Variants in ALAS2 observed in about 807,000 individuals in gnomAD.
ALAS2 encodes 5'-aminolevulinate synthase 2.
A neutral mutation model predicts 33.7 loss-of-function variants in ALAS2; 3 were observed. The ratio of observed to expected loss-of-function variants is 0.09; its 90% CI spans 0.04 to 0.23. The LOEUF (loss-of-function observed/expected upper bound fraction) is 0.23, where lower values mean the gene tolerates loss of function less well. ALAS2 is among the 10% of genes least tolerant of loss of function. The pLI is 1.00. For missense variants in ALAS2, 304 were observed against 475.1 expected, an observed-to-expected ratio of 0.64 and a Z score of 3.35; for synonymous variants, 191 against 177.3, an observed-to-expected ratio of 1.08 and a Z score of -0.61.
chrX:55,023,543 A>G (rs1935842027), intron 4 of ALAS2, among the ~76,000 whole-genome samples: 2 of 111,093 alleles, frequency 1.8e-5, no homozygotes. Flanking sequence ...CTTTCTTCTC[A>G]TGGTAACCTA....
Position 55,023,886 on chromosome X carries a change from T to C in ALAS2, c.305-19A>G. On this transcript the variant is annotated intron_variant, in intron 3 of 10. Transcript: ENST00000650242. Reference sequence around the variant, plus strand: ...GGCAGATCTGAGACGGAATGTGAGATTCATTGGCCGTGAAGAGAATGGGGG... The same window carrying C: ...GGCAGATCTGAGACGGAATGTGAGACTCATTGGCCGTGAAGAGAATGGGGG... 2 of 1,146,782 alleles carry C rather than the reference T, an allele frequency of 1.7e-6. No individual in the cohort carries two copies. The highest frequency in any genetic ancestry group is 1.8e-5 in the South Asian group (1 of 54,672). The allele number at this position is 1,146,782 out of a possible 1,213,427, so 94.5% of individuals were successfully genotyped here. A position where few individuals can be genotyped will look rare whatever the true frequency, so the allele number is the denominator to read the frequency against.
In ALAS2 at chrX:55,017,493, G is replaced by A. The variant is rs1220164557; in HGVS notation, c.996C>T (p.Ser332=). 1 of 1,207,578 alleles carries A rather than the reference G, an allele frequency of 8.3e-7. No individual in the cohort carries two copies. Among genetic ancestry groups the A allele is most frequent in the South Asian group, 1.8e-5 (1 of 56,874 alleles). ...ACTCACTCATATACATACCATCCAT[G>A]GAGTGGACAGTCTCAAAGGCCACAA... is the stretch of plus-strand genomic sequence containing the variant. ...PKIVAFETVH[S]MDGAICPLEE... Residue 332 remains serine, a synonymous_variant, in exon 7 of 11, where the codon TCC becomes TCT. Coordinates refer to ENST00000650242, the MANE Select transcript of ALAS2 (RefSeq NM_000032.5).
Position 55,017,473 on chromosome X carries a change from C to G in ALAS2, c.1003+13G>C. The G allele has an allele frequency of 8.3e-7, 1 of 1,199,792 alleles. No individual in the cohort carries two copies. Among genetic ancestry groups the G allele is most frequent in the Non-Finnish European group, 1.1e-6 (1 of 884,766 alleles). On this transcript the variant is annotated intron_variant, in intron 7 of 10. Transcript: ENST00000650242. Reference sequence around the variant, plus strand: ...ACCAACACTAGTAAACATACACTCACTCATATACATACCATCCATGGAGTG... The same window carrying G: ...ACCAACACTAGTAAACATACACTCAGTCATATACATACCATCCATGGAGTG...
intron 1 of ALAS2, among the ~76,000 whole-genome samples, chrX:55,026,760 A>G (rs1186359799): frequency 8.9e-6 from 1 of 112,407 alleles, no homozygotes; most frequent in African/African-American, 3.2e-5. Context: ...CAGAGAAGAG[A>G]AAGGGGGCAA....
At chrX:55,027,626 G>T in intron 1 of ALAS2, 1 of 646,806 alleles carries the variant, frequency 1.5e-6, no homozygotes, top group Non-Finnish European at 2.6e-6. Context: ...TTACTGAGTA[G>T]AATCTACTAG....
At position 55,025,949 on chromosome X, in the gene ALAS2, G is replaced by A; in HGVS notation, c.52C>T (p.Pro18Ser). Reference sequence around the variant, plus strand: ...ACCACCTTGCCTAGGAGGCTTGTGGGGCCCCGGGCAAGCACTGGGCAGCAC... The same window carrying A: ...ACCACCTTGCCTAGGAGGCTTGTGGAGCCCCGGGCAAGCACTGGGCAGCAC... ...LQCCPVLARG[P>S]TSLLGKVVKT... Residue 18 changes from proline (P) to serine (S), a missense_variant, in exon 2 of 11, where the codon CCC (proline) becomes TCC (serine). Coordinates refer to ENST00000650242, the MANE Select transcript of ALAS2 (RefSeq NM_000032.5). The A allele has an allele frequency of 8.3e-7, 1 of 1,210,897 alleles. No homozygotes were observed. The highest frequency in any genetic ancestry group is 1.8e-5 in the South Asian group (1 of 56,891).
chrX:55,024,591 G>C, intron 3 of ALAS2, 127 bp downstream of exon 3: 2 of 957,709 alleles, frequency 2.1e-6, no homozygotes, highest in Non-Finnish European at 1.5e-6. Context: ...TGGCTCCCCT[G>C]GAAAGACTGG....
chrX:55,027,722 A>T (rs745423902), intron 1 of ALAS2: 36 of 1,202,718 alleles, frequency 3.0e-5, no homozygotes, highest in Admixed American at 6.6e-5. Context: ...TCCCTTCCTG[A>T]TCTCATAGAA....
intron 1 of ALAS2, among the ~76,000 whole-genome samples, chrX:55,028,868 A>G (rs778010833): frequency 1.3e-3 from 150 of 111,616 alleles, no homozygotes; most frequent in African/African-American, 4.6e-3. Context: ...CTCTAGAGCC[A>G]AACTACTTGG....
In ALAS2 at chrX:55,013,688, G is replaced by A. The variant is rs1935647154; in HGVS notation, c.1438-40C>T. On this transcript the variant is annotated intron_variant, in intron 9 of 10. Coordinates refer to ENST00000650242, the MANE Select transcript of ALAS2 (RefSeq NM_000032.5). The stretch of plus-strand genomic sequence containing the variant: ...AAGGCTAATCAGTACCTGCCACTCT[G>A]GCTCCACCATCACTAGCTCCATTAA... 6 of 1,196,906 alleles carry A rather than the reference G, an allele frequency of 5.0e-6. No individual in the cohort carries two copies. The Middle Eastern group carries it at 1.4e-3, about 280-fold the overall frequency.
At chrX:55,017,378 A>G (rs1935719911) in intron 7 of ALAS2, 108 bp downstream of exon 7, 3 of 775,148 alleles carry the variant, frequency 3.9e-6, no homozygotes, top group Non-Finnish European at 5.9e-6. Flanking sequence ...CACATAATAA[A>G]CACTATAAAT....
At chrX:55,030,422 C>A (rs747900196) in intron 1 of ALAS2, among the ~76,000 whole-genome samples, 4 of 111,653 alleles carry the variant, frequency 3.6e-5, no homozygotes, top group Non-Finnish European at 3.8e-5. Context: ...GCTCTTCCCC[C>A]ACCCCTAGGC....
intron 2 of ALAS2, among the ~76,000 whole-genome samples, 170 bp from the exon 3 acceptor site, chrX:55,025,010 A>G (rs938124019): frequency 2.7e-5 from 3 of 111,762 alleles, no homozygotes; most frequent in Non-Finnish European, 5.6e-5. Flanking sequence ...ACTGGTGGGA[A>G]TGGCATACAC....
At chrX:55,025,786 A>G in intron 2 of ALAS2, 34 bp downstream of exon 2, 1 of 1,196,336 alleles carries the variant, frequency 8.4e-7, no homozygotes, top group Non-Finnish European at 1.1e-6. Context: ...CAGGACCCTA[A>G]CATTCTCCCC....
chrX:55,014,298 C>T lies in ALAS2; in HGVS notation c.1437+449G>A, dbSNP rs995468876. On this transcript the variant is annotated intron_variant, in intron 9 of 10. Transcript: ENST00000650242. ...GTACGTTTTACACCGTGACCATAAA[C>T]GCACACATACACATACATGTGTATA... is the stretch of plus-strand genomic sequence containing the variant. Among the ~76,000 whole-genome samples, 9 of 111,946 alleles carry T rather than the reference C, an allele frequency of 8.0e-5. No individual in the cohort carries two copies. In the East Asian group the frequency reaches 8.4e-4, roughly 10 times the overall value.
rs201086991 is a variant in ALAS2, at chrX:55,017,612, G to A, written c.877C>T (p.Arg293Cys). Residue 293 changes from arginine (R) to cysteine (C), a missense_variant, in exon 7 of 11, where the codon CGT (arginine) becomes TGT (cysteine). Coordinates refer to ENST00000650242, the MANE Select transcript of ALAS2 (RefSeq NM_000032.5). ...ACAAACTTGGCTGCTCCACTGTTAC[G>A]GATACCTTGGATCATGGAAGCATGG... Reference protein sequence around the residue: ...GNHASMIQGIRNSGAAKFVFR... With the variant: ...GNHASMIQGICNSGAAKFVFR... 3.5e-5 allele frequency: 42 copies of A among 1,211,473 alleles called. No homozygotes were observed. Among genetic ancestry groups the A allele is most frequent in the Non-Finnish European group, 4.1e-5 (37 of 895,395 alleles).
intron 5 of ALAS2, 88 bp downstream of exon 5, chrX:55,020,964 C>T: frequency 1.1e-6 from 1 of 878,394 alleles, no homozygotes; most frequent in Non-Finnish European, 1.6e-6. Context: ...ACCCAAGTTT[C>T]CACTGCCAGC....
rs1008340336 is a variant in ALAS2 at position 55,015,975 on chromosome X, G to C, written c.1004-233C>G. ...TCTGTCTCTCTGTGTGTGTGTGTGT[G>C]TGTGTGTGTGTGTGTGTGTGTGTGT... On this transcript the variant is annotated intron_variant, in intron 7 of 10. Coordinates refer to ENST00000650242, the MANE Select transcript of ALAS2 (RefSeq NM_000032.5). Among the ~76,000 whole-genome samples the C allele has an allele frequency of 2.4e-3, 246 of 100,571 alleles. 1 individual carries two copies. The highest frequency in any genetic ancestry group is 8.3e-3 in the African/African-American group (218 of 26,379). 87.3% of individuals were successfully genotyped at this position (100,571 alleles called of 115,157 possible).
At position 55,014,858 on chromosome X, in the gene ALAS2, C is replaced by T; in HGVS notation, c.1326G>A (p.Glu442=). 1 of 1,206,768 alleles carries T rather than the reference C, an allele frequency of 8.3e-7. No homozygotes were observed. Among genetic ancestry groups the T allele is most frequent in the Non-Finnish European group, 1.1e-6 (1 of 892,994 alleles). ...LESVRLLKGE[E]GQALRRAHQR... is the part of the protein sequence containing the mutation. ...GGTGGGCTCGCCTCAGGGCTTGGCC[C>T]TCCTCTCCCTTGAGCAGCCGCACAG... The change falls in exon 9 of 11, where the codon GAG becomes GAA. Residue 442 remains glutamate (E), a synonymous_variant. Coordinates refer to ENST00000650242, the MANE Select transcript of ALAS2 (RefSeq NM_000032.5).
Sources: allele counts gnomAD v4.1 joint callset (sites outside exome capture counted in the v4.1 genomes callset), GRCh38; gene constraint gnomAD v4.1.1; transcripts MANE v1.5; gene names NCBI Gene and HGNC (gene_info 2026-07-23, HGNC 2026-07-21).